SLAIN2: variants seen among roughly 807,000 people sequenced by gnomAD.
SLAIN2 encodes SLAIN family member 2, also known as SLAIN motif-containing protein 2.
A neutral mutation model predicts 56.6 loss-of-function variants in SLAIN2; 31 were observed. That is an observed-to-expected ratio of 0.55 (90% CI 0.41 to 0.74). SLAIN2 has a LOEUF of 0.74. SLAIN2 is among the 30% of genes least tolerant of loss of function. SLAIN2 has a pLI of 0.00. For synonymous variants in SLAIN2, 317 were observed against 284.9 expected (o/e 1.11, Z -1.13); for missense variants, 777 against 754.2 (o/e 1.03, Z -0.35).
At chr4:48,412,661 A>G (rs771839182) in intron 6 of SLAIN2, among the ~76,000 whole-genome samples, 4 of 152,204 alleles carry the variant, frequency 2.6e-5, no homozygotes, top group African/African-American at 4.8e-5. Flanking sequence ...TATTTATGGA[A>G]GAAAAGGTAT....
chr4:48,372,374 G>A (rs1445611533), intron 2 of SLAIN2, among the ~76,000 whole-genome samples: 1 of 152,128 alleles, frequency 6.6e-6, no homozygotes, highest in African/African-American at 2.4e-5. Flanking sequence ...TAAGATCTCT[G>A]TTGCAGTTAC....
rs550077865 is a variant in SLAIN2, at chr4:48,424,998, A to G, written c.*2921A>G. ...TGCCTCCTTAATAAACAGCCTGACCATAATGTTTATTATTAAATTTATATT... is the reference window on the plus strand; with the variant it reads ...TGCCTCCTTAATAAACAGCCTGACCGTAATGTTTATTATTAAATTTATATT... On this transcript the variant is annotated 3_prime_UTR_variant, in exon 8 of 8. Transcript: ENST00000264313. The G allele has an allele frequency of 2.6e-5, 4 of 152,228 alleles. No individual in the cohort carries two copies. In the East Asian group the frequency reaches 7.7e-4, roughly 29 times the overall value. The allele number at this position is 152,228 out of a possible 1,614,324, so 9.4% of individuals were successfully genotyped here. A position where few individuals can be genotyped will look rare whatever the true frequency, so the allele number is the denominator to read the frequency against.
Position 48,420,617 on chromosome 4 carries a change from T to A in SLAIN2, c.1679+174T>A, listed in dbSNP as rs1717122603. The A allele has an allele frequency of 1.5e-5, 12 of 792,018 alleles. No homozygotes were observed. In the South Asian group the frequency reaches 2.3e-4, roughly 15 times the overall value. 49.1% of individuals were successfully genotyped at this position (792,018 alleles called of 1,614,324 possible). ...CTACATTGTTTTTAAGAAATCCTCA[T>A]TTGGGACTTTTACCAGTTTGGTTCA... On this transcript the variant is annotated intron_variant, in intron 7 of 7. Coordinates refer to ENST00000264313, the MANE Select transcript of SLAIN2 (RefSeq NM_020846.2).
chr4:48,393,502 A>AGGC (rs1185134461), intron 6 of SLAIN2, among the ~76,000 whole-genome samples: 3 of 151,938 alleles, frequency 2.0e-5, no homozygotes, highest in African/African-American at 7.3e-5. Context: ...GGCCTCCCAA[A>AGGC]GGCCTGTAAG....
At chr4:48,368,419 A>G (rs1343077087) in intron 1 of SLAIN2, among the ~76,000 whole-genome samples, 4 of 152,214 alleles carry the variant, frequency 2.6e-5, no homozygotes, top group Admixed American at 2.6e-4. Flanking sequence ...CTATGTATGT[A>G]GTACATGTGA....
At chr4:48,393,283 G>A (rs1417375251) in intron 6 of SLAIN2, among the ~76,000 whole-genome samples, 2 of 152,096 alleles carry the variant, frequency 1.3e-5, no homozygotes, top group Non-Finnish European at 2.9e-5. Context: ...GAGTGCAGTG[G>A]TGCAGTCACA....
intron 1 of SLAIN2, among the ~76,000 whole-genome samples, chr4:48,347,626 A>G (rs1350177577): frequency 6.6e-6 from 1 of 152,198 alleles, no homozygotes; most frequent in Non-Finnish European, 1.5e-5. Context: ...AAATATAACA[A>G]AATTTACCAT....
Position 48,341,603 on chromosome 4 carries a change from T to TG in SLAIN2, c.-135dup. 7.7e-7 allele frequency: 1 copy of TG among 1,299,504 alleles called. No individual in the cohort carries two copies. The highest frequency in any genetic ancestry group is 1.6e-5 in the African/African-American group (1 of 63,976). The allele number at this position is 1,299,504 out of a possible 1,614,324, so 80.5% of individuals were successfully genotyped here. A position where few individuals can be genotyped will look rare whatever the true frequency, so the allele number is the denominator to read the frequency against. ...TTTGGAACCCGAGGTGGGGGGACCC[T>TG]GGCGGTGGGGCCTGGTCCTGCTATA... On this transcript the variant is annotated 5_prime_UTR_variant, in exon 1 of 8. The change abolishes the stop of an existing upstream ORF in the 5' untranslated region. Coordinates refer to ENST00000264313, the MANE Select transcript of SLAIN2 (RefSeq NM_020846.2).
Position 48,372,400 on chromosome 4 carries a change from T to A in SLAIN2, c.538+2403T>A, listed in dbSNP as rs575904233. On this transcript the variant is annotated intron_variant, in intron 2 of 7. Coordinates refer to ENST00000264313, the MANE Select transcript of SLAIN2 (RefSeq NM_020846.2). ...TTGCAGTTACTCAACTTTGCTCTTG[T>A]AGCATGCAAGCAGCCATAGACAATA... 9.2e-5 allele frequency among the ~76,000 whole-genome samples: 14 copies of A among 152,354 alleles called. No individual in the cohort carries two copies. In the South Asian group the frequency reaches 2.5e-3, roughly 27 times the overall value.
chr4:48,359,202 T>C (rs1488050939), intron 1 of SLAIN2, among the ~76,000 whole-genome samples: 2 of 152,186 alleles, frequency 1.3e-5, no homozygotes, highest in African/African-American at 4.8e-5. Context: ...TGTATAAGTG[T>C]CTGTGTTGGG....
At position 48,404,147 on chromosome 4, in the gene SLAIN2, A is replaced by T. The variant is rs114531297; in HGVS notation, c.1361-15978A>T. On this transcript the variant is annotated intron_variant, in intron 6 of 7. Transcript: ENST00000264313. ...TGGATACCTCAGTTCAAGGTGCAGA[A>T]TGAACTCACTCTTTCTTTCCTCTTT... Among the ~76,000 whole-genome samples the T allele has an allele frequency of 8.4e-3, 1,286 of 152,230 alleles. 13 individuals carry two copies. Among genetic ancestry groups the T allele is most frequent in the Non-Finnish European group, 0.012 (790 of 68,012 alleles).
At position 48,423,539 on chromosome 4, in the gene SLAIN2, G is replaced by C. The variant is rs556340765; in HGVS notation, c.*1462G>C. 2.0e-5 allele frequency: 3 copies of C among 152,090 alleles called. No homozygotes were observed. The allele number at this position is 152,090 out of a possible 1,614,324, so 9.4% of individuals were successfully genotyped here. A position where few individuals can be genotyped will look rare whatever the true frequency, so the allele number is the denominator to read the frequency against. On this transcript the variant is annotated 3_prime_UTR_variant, in exon 8 of 8. Transcript: ENST00000264313. ...ATTTCCTGTTAATCAAAGACATTCC[G>C]TAAGTTGGCAAAAGAAATTGGGAGA...
chr4:48,358,403 T>C (rs1304011346), intron 1 of SLAIN2, among the ~76,000 whole-genome samples: 1 of 151,346 alleles, frequency 6.6e-6, no homozygotes, highest in Non-Finnish European at 1.5e-5. Flanking sequence ...CACCACAACC[T>C]CCGCCTCCCA....
chr4:48,408,627 G>A (rs1042938619), intron 6 of SLAIN2, among the ~76,000 whole-genome samples: 1 of 151,576 alleles, frequency 6.6e-6, no homozygotes, highest in Admixed American at 6.6e-5. Flanking sequence ...AATATTTTTG[G>A]ACAGCTGTAC....
rs547453173 is a variant in SLAIN2 at position 48,398,118 on chromosome 4, T to A, written c.1360+14334T>A. 2.9e-4 allele frequency among the ~76,000 whole-genome samples: 44 copies of A among 152,324 alleles called. 1 individual carries two copies. Among genetic ancestry groups the A allele is most frequent in the African/African-American group, 1.1e-3 (44 of 41,568 alleles). On this transcript the variant is annotated intron_variant, in intron 6 of 7. Coordinates refer to ENST00000264313, the MANE Select transcript of SLAIN2 (RefSeq NM_020846.2). ...CCACAGTGGTTGAACTAATTTACAC[T>A]CCCACCAGCAGTCTAAGTGTTCCTT... is the stretch of plus-strand genomic sequence containing the variant.
At chr4:48,376,999 A>T (rs61087004) in intron 2 of SLAIN2, among the ~76,000 whole-genome samples, 2,943 of 149,666 alleles carry the variant, frequency 0.02, 103 homozygotes, top group African/African-American at 0.069. Context: ...TAAAAAAAAA[A>T]TCCAAACTTT....
At chr4:48,353,065 G>A (rs115789681) in intron 1 of SLAIN2, among the ~76,000 whole-genome samples, 1 of 152,090 alleles carries the variant, frequency 6.6e-6, no homozygotes, top group Middle Eastern at 3.2e-3. Flanking sequence ...ATGATTGTGA[G>A]GTTTCCCCAG....
rs771140836 is a variant in SLAIN2 at position 48,341,886 on chromosome 4, G to A, written c.147G>A (p.Pro49=). 4.0e-6 allele frequency: 6 copies of A among 1,514,278 alleles called. No homozygotes were observed. The African/African-American group carries it at 7.3e-5, about 18-fold the overall frequency. The allele number at this position is 1,514,278 out of a possible 1,614,324, so 93.8% of individuals were successfully genotyped here. ...CCGGCTCCCTTGGGCCCGGCAGCCC[G>A]GTTCGGGCCGGCGCGTCCATTCCCT... ...QGAGSLGPGS[P]VRAGASIPSS... The change falls in exon 1 of 8, where the codon CCG becomes CCA. Residue 49 remains proline (P), a synonymous_variant. Coordinates refer to ENST00000264313, the MANE Select transcript of SLAIN2 (RefSeq NM_020846.2).
rs187882450 is a variant in SLAIN2 at position 48,352,405 on chromosome 4, A to G, written c.389+10277A>G. Among the ~76,000 whole-genome samples the G allele has an allele frequency of 4.0e-3, 605 of 152,346 alleles. 3 individuals are homozygous for G. Among genetic ancestry groups the G allele is most frequent in the African/African-American group, 0.013 (541 of 41,570 alleles). ...CATTTACCTATGAAGGAAATAATAG[A>G]TATCATTTTGGTTTCAAGATTGTTT... is the stretch of plus-strand genomic sequence containing the variant. On this transcript the variant is annotated intron_variant, in intron 1 of 7. Transcript: ENST00000264313.
Sources: gnomAD v4.1 joint callset for allele counts (sites outside exome capture counted in the v4.1 genomes callset) on GRCh38, gnomAD v4.1.1 for gene constraint, MANE v1.5 for transcripts, NCBI Gene and HGNC (gene_info 2026-07-23, HGNC 2026-07-21) for gene names.